TM9SF3: variants seen among roughly 807,000 people sequenced by gnomAD.
TM9SF3 encodes transmembrane 9 superfamily member 3.
Under a neutral mutation model 78.6 loss-of-function variants are expected in TM9SF3, and 14 were observed. That is an observed-to-expected ratio of 0.18 (90% CI 0.12 to 0.28). The LOEUF (loss-of-function observed/expected upper bound fraction) is 0.28, where lower values mean the gene tolerates loss of function less well. Ranked by LOEUF, TM9SF3 falls within the 10% of genes least tolerant of loss-of-function variation. The pLI is 1.00. For synonymous variants in TM9SF3, 231 were observed against 241.7 expected, an observed-to-expected ratio of 0.96 and a Z score of 0.41; for missense variants, 496 against 721.9, an observed-to-expected ratio of 0.69 and a Z score of 3.59.
chr10:96,560,834 C>T, intron 4 of TM9SF3: 1 of 538,652 alleles, frequency 1.9e-6, no homozygotes, highest in Admixed American at 2.0e-5. Flanking sequence ...CCTTCAAAAA[C>T]AGGAAAAAAA....
intron 3 of TM9SF3, among the ~76,000 whole-genome samples, chr10:96,563,661 A>T (rs780373695): frequency 5.3e-5 from 8 of 152,230 alleles, no homozygotes; most frequent in Non-Finnish European, 1.0e-4. Flanking sequence ...TACAGGCGTG[A>T]GCCACCGCGC....
rs186990826 is a variant in TM9SF3, at chr10:96,519,290, C to A, written c.*2973G>T. 3 of 152,016 alleles carry A rather than the reference C, an allele frequency of 2.0e-5. No individual in the cohort carries two copies. The East Asian group carries it at 5.8e-4, about 29-fold the overall frequency. 9.4% of individuals were successfully genotyped at this position (152,016 alleles called of 1,614,324 possible). A position where few individuals can be genotyped will look rare whatever the true frequency, so the allele number is the denominator to read the frequency against. On this transcript the variant is annotated 3_prime_UTR_variant, in exon 15 of 15. Coordinates refer to ENST00000371142, the MANE Select transcript of TM9SF3 (RefSeq NM_020123.4). ...GCAGCAACCAACTTTATAAAGAGGTCCATCCACTCTCAATGGAAAACACCC... is the reference window on the plus strand; with the variant it reads ...GCAGCAACCAACTTTATAAAGAGGTACATCCACTCTCAATGGAAAACACCC...
At chr10:96,552,341 C>T (rs1255770592) in intron 6 of TM9SF3, among the ~76,000 whole-genome samples, 1 of 152,036 alleles carries the variant, frequency 6.6e-6, no homozygotes, top group African/African-American at 2.4e-5. Flanking sequence ...CCTAGCTACT[C>T]AGGAGGCTGA....
chr10:96,573,313 A>AT (rs1280913225), intron 2 of TM9SF3, among the ~76,000 whole-genome samples: 4 of 152,114 alleles, frequency 2.6e-5, no homozygotes, highest in African/African-American at 4.8e-5. Flanking sequence ...GGTGCATCCT[A>AT]TTTTTTTAAT....
intron 3 of TM9SF3, among the ~76,000 whole-genome samples, chr10:96,564,795 T>C (rs967308490): frequency 6.6e-6 from 1 of 152,230 alleles, no homozygotes; most frequent in Non-Finnish European, 1.5e-5. Context: ...GGATTATTCA[T>C]AAATTGGCAT....
intron 1 of TM9SF3, among the ~76,000 whole-genome samples, chr10:96,581,500 T>C (rs1348092592): frequency 6.6e-6 from 1 of 152,186 alleles, no homozygotes; most frequent in African/African-American, 2.4e-5. Flanking sequence ...ACAAATAAAT[T>C]AGAAATGTAA....
At chr10:96,529,376 G>A (rs1456252933) in intron 11 of TM9SF3, among the ~76,000 whole-genome samples, 1 of 152,010 alleles carries the variant, frequency 6.6e-6, no homozygotes, top group East Asian at 1.9e-4. Context: ...AAGGATGTGT[G>A]GTTACTATAA....
intron 9 of TM9SF3, among the ~76,000 whole-genome samples, chr10:96,543,025 C>T (rs1163813857): frequency 2.6e-5 from 4 of 152,130 alleles, no homozygotes; most frequent in Non-Finnish European, 4.4e-5. Flanking sequence ...ACTGCCTGTA[C>T]GATTGTGACT....
chr10:96,544,465 C>A (rs1445723861), intron 8 of TM9SF3, among the ~76,000 whole-genome samples: 1 of 152,136 alleles, frequency 6.6e-6, no homozygotes, highest in African/African-American at 2.4e-5. Context: ...TGTGAACTTT[C>A]ATAAGCCACT....
intron 2 of TM9SF3, among the ~76,000 whole-genome samples, chr10:96,571,934 T>C (rs1848440259): frequency 6.6e-6 from 1 of 152,196 alleles, no homozygotes; most frequent in Non-Finnish European, 1.5e-5. Flanking sequence ...GATCATCTAA[T>C]GTCCATAATG....
intron 2 of TM9SF3, among the ~76,000 whole-genome samples, chr10:96,573,037 T>C (rs1848456541): frequency 1.3e-5 from 2 of 152,210 alleles, no homozygotes; most frequent in African/African-American, 4.8e-5. Context: ...GATGTGTGTG[T>C]ATGCATATGT....
chr10:96,522,486 T>A (rs1479728526), intron 14 of TM9SF3, among the ~76,000 whole-genome samples, 156 bp from the exon 15 acceptor site: 1 of 151,924 alleles, frequency 6.6e-6, no homozygotes, highest in Admixed American at 6.6e-5. Context: ...AACTGTATCA[T>A]TTGCTTTGCA....
At chr10:96,542,925 G>GAA (rs1363182456) in intron 9 of TM9SF3, among the ~76,000 whole-genome samples, 1 of 152,114 alleles carries the variant, frequency 6.6e-6, no homozygotes, top group Non-Finnish European at 1.5e-5. Context: ...GAATTTTTGG[G>GAA]AAACTATTTG....
At chr10:96,543,887 G>A (rs925223302) in intron 9 of TM9SF3, 189 bp downstream of exon 9, 2 of 382,136 alleles carry the variant, frequency 5.2e-6, no homozygotes, top group African/African-American at 4.2e-5. Flanking sequence ...GCCAACTATA[G>A]GTTTAAACTT....
At chr10:96,551,923 AT>A (rs142178984) in intron 6 of TM9SF3, among the ~76,000 whole-genome samples, 31,090 of 152,054 alleles carry the variant, frequency 0.2, 3,547 homozygotes, top group Admixed American at 0.3. Context: ...GTCTATATGC[AT>A]TTTTTTAAAA....
chr10:96,529,225 T>TGC, intron 11 of TM9SF3, among the ~76,000 whole-genome samples: 1 of 152,294 alleles, frequency 6.6e-6, no homozygotes, highest in East Asian at 1.9e-4. Context: ...CCTAAGGTAC[T>TGC]AATGCCCATA....
intron 1 of TM9SF3, among the ~76,000 whole-genome samples, chr10:96,583,758 G>C (rs1848600203): frequency 6.6e-6 from 1 of 152,074 alleles, no homozygotes; most frequent in African/African-American, 2.4e-5. Flanking sequence ...AGCCAGCAGG[G>C]CATGGTGGCT....
chr10:96,547,611 A>G (rs942016488), intron 8 of TM9SF3, among the ~76,000 whole-genome samples: 1 of 2,250 alleles, frequency 4.4e-4, no homozygotes, highest in African/African-American at 4.8e-4. Context: ...ACTTGAGGTC[A>G]GGAGTTCACA....
At chr10:96,531,622 G>A (rs1337054424) in intron 10 of TM9SF3, among the ~76,000 whole-genome samples, 3 of 152,156 alleles carry the variant, frequency 2.0e-5, no homozygotes, top group Non-Finnish European at 4.4e-5. Flanking sequence ...CCAAGACACA[G>A]AGGTTAAAAG....
Sources: allele counts gnomAD v4.1 joint callset (sites outside exome capture counted in the v4.1 genomes callset), GRCh38; gene constraint gnomAD v4.1.1; transcripts MANE v1.5; gene names NCBI Gene and HGNC (gene_info 2026-07-23, HGNC 2026-07-21).